The following DOCK3 variants were observed in gnomAD, a reference collection of about 807,000 sequenced individuals.
The protein encoded by DOCK3 is dedicator of cytokinesis 3.
A neutral mutation model predicts 265.6 loss-of-function variants in DOCK3; 60 were observed. The ratio of observed to expected loss-of-function variants is 0.23; its 90% CI spans 0.18 to 0.28. The LOEUF (loss-of-function observed/expected upper bound fraction) is 0.28, where lower values mean the gene tolerates loss of function less well. DOCK3 is among the 10% of genes least tolerant of loss of function. The pLI is 1.00. For synonymous variants in DOCK3, 881 were observed against 938.0 expected (o/e 0.94, Z 1.11); for missense variants, 1,981 against 2,594.3 (o/e 0.76, Z 5.14).
At chr3:50,757,162 T>TC (rs1254705041) in intron 1 of DOCK3, among the ~76,000 whole-genome samples, 121 of 91,048 alleles carry the variant, frequency 1.3e-3, no homozygotes, top group Non-Finnish European at 2.1e-3. Flanking sequence ...CAGATTGTCG[T>TC]CTTTTTTTTT....
At position 51,004,668 on chromosome 3, in the gene DOCK3, C is replaced by A. The variant is rs544205164; in HGVS notation, c.316-59780C>A. Among the ~76,000 whole-genome samples the A allele has an allele frequency of 2.0e-5, 3 of 149,414 alleles. No homozygotes were observed. The East Asian group carries it at 5.9e-4, about 29-fold the overall frequency. On this transcript the variant is annotated intron_variant, in intron 5 of 52. Coordinates refer to ENST00000266037, the MANE Select transcript of DOCK3 (RefSeq NM_004947.5). The stretch of plus-strand genomic sequence containing the variant: ...TACTGATTTAATTTTATTCTTTTCT[C>A]TCCCCTTTCTACTGTAATGCAAACT...
intron 36 of DOCK3, 95 bp from the exon 37 acceptor site, chr3:51,338,840 T>C: frequency 9.4e-7 from 1 of 1,064,962 alleles, no homozygotes. Flanking sequence ...GCCCTCCCCC[T>C]CCTGCCCAGC....
intron 9 of DOCK3, among the ~76,000 whole-genome samples, chr3:51,134,340 C>T (rs1433638545): frequency 1.3e-5 from 2 of 152,112 alleles, no homozygotes; most frequent in Non-Finnish European, 2.9e-5. Context: ...TTTCTGAAGA[C>T]CTGATAGGGG....
In DOCK3 at chr3:51,323,759, A is replaced by G. The variant is rs576551945; in HGVS notation, c.3403-6379A>G. Among the ~76,000 whole-genome samples, 12 of 152,324 alleles carry G rather than the reference A, an allele frequency of 7.9e-5. No homozygotes were observed. The South Asian group carries it at 2.5e-3, about 32-fold the overall frequency. ...AAAGATCTACAATTGACACTCTAAC[A>G]TCACAATTAAAAAAACTAGAGAAGC... is the stretch of plus-strand genomic sequence containing the variant. On this transcript the variant is annotated intron_variant, in intron 32 of 52. Transcript: ENST00000266037.
At chr3:51,017,128 T>G (rs1185180742) in intron 5 of DOCK3, among the ~76,000 whole-genome samples, 2 of 149,800 alleles carry the variant, frequency 1.3e-5, no homozygotes, top group African/African-American at 4.9e-5. Context: ...GTCTAGGAAT[T>G]TATTCATTTT....
chr3:51,296,881 G>A (rs1308650865), intron 27 of DOCK3, among the ~76,000 whole-genome samples: 14 of 152,070 alleles, frequency 9.2e-5, no homozygotes, highest in South Asian at 2.1e-4. Context: ...CACTTTGGGC[G>A]TCTGAGGCAG....
At position 50,971,000 on chromosome 3, in the gene DOCK3, A is replaced by AT. The variant is rs71633052; in HGVS notation, c.315+36935dup. Among the ~76,000 whole-genome samples the AT allele has an allele frequency of 8.2e-4, 35 of 42,714 alleles. 4 individuals carry two copies. Among genetic ancestry groups the AT allele is most frequent in the Admixed American group, 4.4e-3 (14 of 3,148 alleles). 28.0% of individuals were successfully genotyped at this position (42,714 alleles called of 152,430 possible). ...TATATTTTTTTTATTTTAATTTTTA[A>AT]TTTTTTTTTTTTGAGATAGGGGACT... On this transcript the variant is annotated intron_variant, in intron 5 of 52. Transcript: ENST00000266037.
chr3:51,160,267 C>A (rs570943898), intron 11 of DOCK3, among the ~76,000 whole-genome samples: 2 of 152,292 alleles, frequency 1.3e-5, no homozygotes, highest in South Asian at 4.1e-4. Context: ...CTAAGAAATT[C>A]ATAAAATCAC....
chr3:50,744,426 T>G, intron 1 of DOCK3, among the ~76,000 whole-genome samples: 1 of 138,154 alleles, frequency 7.2e-6, no homozygotes, highest in African/African-American at 2.6e-5. Flanking sequence ...CTTTGATCCA[T>G]CTTCAGTTAA....
intron 12 of DOCK3, among the ~76,000 whole-genome samples, chr3:51,179,585 A>G (rs2087160026): frequency 2.0e-5 from 3 of 151,882 alleles, no homozygotes; most frequent in South Asian, 2.1e-4. Flanking sequence ...GTAGAATAGC[A>G]TAAATATAAA....
chr3:51,118,688 C>T (rs1180041531), intron 9 of DOCK3, among the ~76,000 whole-genome samples: 1 of 152,122 alleles, frequency 6.6e-6, no homozygotes, highest in Admixed American at 6.5e-5. Flanking sequence ...CTTCTTGTTG[C>T]ATTGATCCCT....
At chr3:50,713,707 T>G (rs1176605038) in intron 1 of DOCK3, among the ~76,000 whole-genome samples, 1 of 151,860 alleles carries the variant, frequency 6.6e-6, no homozygotes, top group Non-Finnish European at 1.5e-5. Flanking sequence ...TATCACATAC[T>G]TACTAGATTT....
chr3:51,243,915 T>C (rs2078716613), intron 21 of DOCK3, among the ~76,000 whole-genome samples: 1 of 152,234 alleles, frequency 6.6e-6, no homozygotes, highest in South Asian at 2.1e-4. Flanking sequence ...TCTTTTTGCA[T>C]GTGGATATCC....
intron 38 of DOCK3, among the ~76,000 whole-genome samples, chr3:51,345,921 T>C (rs1263350963): frequency 6.6e-6 from 1 of 152,170 alleles, no homozygotes; most frequent in African/African-American, 2.4e-5. Context: ...TCAAATACTA[T>C]GGGGAGGAAT....
At chr3:50,980,709 T>G (rs533567367) in intron 5 of DOCK3, among the ~76,000 whole-genome samples, 2 of 152,260 alleles carry the variant, frequency 1.3e-5, no homozygotes, top group South Asian at 4.2e-4. Flanking sequence ...GTCTAGGAAT[T>G]TATCAGTTTT....
At chr3:51,263,801 A>G (rs1263654304) in intron 23 of DOCK3, among the ~76,000 whole-genome samples, 1 of 152,238 alleles carries the variant, frequency 6.6e-6, no homozygotes, top group Non-Finnish European at 1.5e-5. Flanking sequence ...CTTTAAACCA[A>G]CAAAGATCAT....
chr3:50,869,717 C>T (rs1229504986), intron 3 of DOCK3, among the ~76,000 whole-genome samples: 1 of 151,968 alleles, frequency 6.6e-6, no homozygotes, highest in Non-Finnish European at 1.5e-5. Flanking sequence ...TTGATTTGCT[C>T]GCTTTGCTAG....
At chr3:51,320,132 T>C (rs572019797) in intron 32 of DOCK3, among the ~76,000 whole-genome samples, 7 of 152,254 alleles carry the variant, frequency 4.6e-5, no homozygotes, top group Middle Eastern at 3.4e-3. Context: ...GCTCATCTCA[T>C]TGGGACTGGT....
At chr3:51,008,140 T>G (rs1287056272) in intron 5 of DOCK3, among the ~76,000 whole-genome samples, 1 of 152,134 alleles carries the variant, frequency 6.6e-6, no homozygotes, top group Non-Finnish European at 1.5e-5. Context: ...TTAAAGTAGT[T>G]TTTTTTCCAA....
Sources: gnomAD v4.1 joint callset for allele counts (sites outside exome capture counted in the v4.1 genomes callset) on GRCh38, gnomAD v4.1.1 for gene constraint, MANE v1.5 for transcripts, NCBI Gene and HGNC (gene_info 2026-07-23, HGNC 2026-07-21) for gene names.